ARHGEF7: variants seen among roughly 807,000 people sequenced by gnomAD.
The protein encoded by ARHGEF7 is Rho guanine nucleotide exchange factor 7, also known as PAK-interacting exchange factor beta.
A neutral mutation model predicts 109.8 loss-of-function variants in ARHGEF7; 33 were observed. The ratio of observed to expected loss-of-function variants is 0.30; its 90% confidence interval spans 0.23 to 0.40. The LOEUF (loss-of-function observed/expected upper bound fraction) is 0.40. ARHGEF7 is among the 10% of genes least tolerant of loss of function. ARHGEF7 has a pLI of 1.00. For missense variants in ARHGEF7, 938 were observed against 1,098.5 expected (o/e 0.85, Z 2.07); for synonymous variants, 458 against 424.6 (o/e 1.08, Z -0.97).
At position 111,205,255 on chromosome 13, in the gene ARHGEF7, C is replaced by CT. The variant is rs748797768; in HGVS notation, c.253-33dup. 1.3e-4 allele frequency: 206 copies of CT among 1,545,984 alleles called. 1 individual carries two copies. The African/African-American group carries it at 2.5e-3, about 19-fold the overall frequency. On this transcript the variant is annotated intron_variant, in intron 2 of 21. Transcript: ENST00000646102. ...TTCATCCTGCACCCAACATAAGACTCTACTAATTTTGCTTGTTTAATTTTT... is the reference window on the plus strand; with the variant it reads ...TTCATCCTGCACCCAACATAAGACTCTTACTAATTTTGCTTGTTTAATTTTT...
In ARHGEF7 at chr13:111,286,203, A is replaced by G; in HGVS notation, c.2007A>G (p.Glu669=). ...MKKLLPKRKP[E]RKPSDEEFAS... ...AGCTGCTGCCCAAGCGCAAACCTGA[A>G]CGGAAGCCTTCAGATGAGGAGTTCG... The change falls in exon 17 of 22, where the codon GAA becomes GAG. Residue 669 remains glutamate, a synonymous_variant. Transcript: ENST00000646102. 1 of 1,614,050 alleles carries G rather than the reference A, an allele frequency of 6.2e-7. No individual in the cohort carries two copies. Among genetic ancestry groups the G allele is most frequent in the Non-Finnish European group, 8.5e-7 (1 of 1,180,016 alleles).
Position 111,287,111 on chromosome 13 carries a change from T to C in ARHGEF7, c.2044+871T>C, listed in dbSNP as rs72653562. ...GCCACCTTATCATCAATCAGCCCAG[T>C]GAGGTGACCGTGCTGGGGTGTTCAT... On this transcript the variant is annotated intron_variant, in intron 17 of 21. Transcript: ENST00000646102. Among the ~76,000 whole-genome samples, 1,462 of 152,322 alleles carry C rather than the reference T, an allele frequency of 9.6e-3. 18 individuals carry two copies. The highest frequency in any genetic ancestry group is 0.033 in the African/African-American group (1,387 of 41,574).
chr13:111,193,492 T>C (rs1319826837), intron 2 of ARHGEF7, among the ~76,000 whole-genome samples: 2 of 152,258 alleles, frequency 1.3e-5, no homozygotes, highest in Non-Finnish European at 2.9e-5. Context: ...AATTTCCTTG[T>C]GGTATTTAAT....
chr13:111,162,412 T>G lies in ARHGEF7; in HGVS notation c.252+8421T>G, dbSNP rs116722126. Among the ~76,000 whole-genome samples the G allele has an allele frequency of 7.0e-3, 1,072 of 152,326 alleles. 10 individuals carry two copies. Among genetic ancestry groups the G allele is most frequent in the African/African-American group, 0.025 (1,038 of 41,572 alleles). On this transcript the variant is annotated intron_variant, in intron 2 of 21. Coordinates refer to ENST00000646102, the MANE Select transcript of ARHGEF7 (RefSeq NM_001354046.2). ...TTGAAAACCCTAGAAATTTGCAGTG[T>G]TATCAGCTGTTGCACAAGTAACCTT...
At chr13:111,203,140 A>G (rs1268426852) in intron 2 of ARHGEF7, 41 of 1,267,322 alleles carry the variant, frequency 3.2e-5, no homozygotes, top group Non-Finnish European at 4.0e-5. Flanking sequence ...TTATGTATGT[A>G]TTTCTTTTTG....
At chr13:111,219,565 G>C (rs1038385118) in intron 5 of ARHGEF7, among the ~76,000 whole-genome samples, 1 of 152,074 alleles carries the variant, frequency 6.6e-6, no homozygotes, top group Non-Finnish European at 1.5e-5. Context: ...CTGCCACGTG[G>C]TTTTCCCCAG....
intron 2 of ARHGEF7, among the ~76,000 whole-genome samples, chr13:111,177,945 GT>G (rs1404057026): frequency 6.6e-6 from 1 of 152,146 alleles, no homozygotes; most frequent in Non-Finnish European, 1.5e-5. Flanking sequence ...ACGCAGTGTG[GT>G]CCCGAGAACC....
chr13:111,237,698 T>C (rs1387549738), intron 6 of ARHGEF7, among the ~76,000 whole-genome samples: 1 of 152,246 alleles, frequency 6.6e-6, no homozygotes, highest in Non-Finnish European at 1.5e-5. Context: ...GGTTTGTCCA[T>C]TTGTAGTTAC....
At chr13:111,173,949 TA>T (rs994933045) in intron 2 of ARHGEF7, among the ~76,000 whole-genome samples, 1 of 152,192 alleles carries the variant, frequency 6.6e-6, no homozygotes, top group Non-Finnish European at 1.5e-5. Flanking sequence ...ATTACTATGA[TA>T]AAAAATTTAC....
intron 1 of ARHGEF7, among the ~76,000 whole-genome samples, chr13:111,130,710 G>A (rs2074699164): frequency 6.6e-6 from 1 of 152,268 alleles, no homozygotes; most frequent in African/African-American, 2.4e-5. Context: ...CATGAGCTAT[G>A]TGCGCTGAAG....
At chr13:111,213,260 G>A (rs984532601) in intron 4 of ARHGEF7, among the ~76,000 whole-genome samples, 5 of 152,180 alleles carry the variant, frequency 3.3e-5, no homozygotes, top group African/African-American at 7.2e-5. Flanking sequence ...GACTGTGCCC[G>A]GCCAGGTCGT....
At chr13:111,152,838 T>C (rs1042358877) in intron 1 of ARHGEF7, among the ~76,000 whole-genome samples, 5 of 152,164 alleles carry the variant, frequency 3.3e-5, no homozygotes, top group Non-Finnish European at 7.4e-5. Flanking sequence ...CTTCTTAAAA[T>C]TTTCTAGTAA....
chr13:111,115,275 C>A (rs1177368927), upstream of ARHGEF7: 1 of 148,540 alleles, frequency 6.7e-6, no homozygotes, highest in Admixed American at 6.8e-5. Flanking sequence ...CATTGGGCGA[C>A]GGCGGCCGAG....
rs1331678316 is a variant in ARHGEF7 at position 111,304,162 on chromosome 13, A to C, written c.*1049A>C. On this transcript the variant is annotated 3_prime_UTR_variant, in exon 22 of 22. Transcript: ENST00000646102. The stretch of plus-strand genomic sequence containing the variant: ...CGAAAGTAAAATCCCCTCCTTCAGC[A>C]AGAATAAAGCAATATACACCTTAGG... The C allele has an allele frequency of 6.6e-6, 1 of 152,246 alleles. No individual in the cohort carries two copies. Among genetic ancestry groups the C allele is most frequent in the African/African-American group, 2.4e-5 (1 of 41,456 alleles). The allele number at this position is 152,246 out of a possible 1,614,324, so 9.4% of individuals were successfully genotyped here.
At chr13:111,284,197 C>T (rs1049445632) in intron 16 of ARHGEF7, among the ~76,000 whole-genome samples, 4 of 152,022 alleles carry the variant, frequency 2.6e-5, no homozygotes, top group Non-Finnish European at 5.9e-5. Flanking sequence ...TGTGAGTGAG[C>T]GTGAGGATGG....
At chr13:111,232,138 A>G (rs1051202315) in intron 5 of ARHGEF7, among the ~76,000 whole-genome samples, 1 of 152,132 alleles carries the variant, frequency 6.6e-6, no homozygotes, top group African/African-American at 2.4e-5. Flanking sequence ...TATACACACA[A>G]CCATTGATAG....
chr13:111,145,658 C>T lies in ARHGEF7; in HGVS notation c.166-8247C>T, dbSNP rs938226063. Among the ~76,000 whole-genome samples, 3 of 152,164 alleles carry T rather than the reference C, an allele frequency of 2.0e-5. No homozygotes were observed. Among genetic ancestry groups the T allele is most frequent in the Non-Finnish European group, 2.9e-5 (2 of 68,020 alleles). ...TGTGACGGGGTGACACCCATACAGC[C>T]CACTGTGAGCCAGCTCCAGCATCTA... On this transcript the variant is annotated intron_variant, in intron 1 of 21. Transcript: ENST00000646102. This position sits in a 1 kb window ranked among gnomAD's most constrained non-coding sequence, Gnocchi z 4.3.
chr13:111,283,941 C>T (rs540657267), intron 16 of ARHGEF7, among the ~76,000 whole-genome samples: 4 of 152,200 alleles, frequency 2.6e-5, no homozygotes, highest in Middle Eastern at 3.4e-3. Flanking sequence ...AAATAAAGTA[C>T]GATTCCAATG....
At position 111,243,861 on chromosome 13, in the gene ARHGEF7, A is replaced by T. The variant is rs1277984839; in HGVS notation, c.760-11A>T. On this transcript the variant is annotated splice_polypyrimidine_tract_variant and intron_variant, in intron 6 of 21. Transcript: ENST00000646102. ...AAATGTCAAATAACACTTATTCATC[A>T]TTTATTATAGGTGCTACAGAATATT... 2 of 1,544,060 alleles carry T rather than the reference A, an allele frequency of 1.3e-6. No individual in the cohort carries two copies. Among genetic ancestry groups the T allele is most frequent in the Non-Finnish European group, 1.8e-6 (2 of 1,122,344 alleles).
Sources: allele counts gnomAD v4.1 joint callset (sites outside exome capture counted in the v4.1 genomes callset), GRCh38; gene constraint gnomAD v4.1.1; non-coding constraint Gnocchi (gnomAD v3.1); transcripts MANE v1.5; gene names NCBI Gene and HGNC (gene_info 2026-07-23, HGNC 2026-07-21).